Variants in TECRL observed in about 807,000 individuals in gnomAD.
TECRL encodes trans-2,3-enoyl-CoA reductase like.
A neutral mutation model predicts 52.8 loss-of-function variants in TECRL; 63 were observed. The observed-to-expected ratio is 1.19, with a 90% CI of 0.97 to 1.47. The LOEUF is 1.47. Among genes scored for constraint, TECRL ranks in the 40% most tolerant of loss-of-function variants. TECRL has a pLI of 0.00. For synonymous variants in TECRL, 164 were observed against 141.9 expected (o/e 1.16, Z -1.10); for missense variants, 482 against 429.6 (o/e 1.12, Z -1.08).
At chr4:64,328,374 G>A (rs1454241622) in intron 3 of TECRL, 138 bp downstream of exon 3, 3 of 593,504 alleles carry the variant, frequency 5.1e-6, no homozygotes, top group African/African-American at 1.9e-5. Flanking sequence ...TATAAAAGTG[G>A]AGCTCTAGTT....
intron 1 of TECRL, among the ~76,000 whole-genome samples, chr4:64,406,735 T>C (rs1242559307): frequency 6.6e-6 from 1 of 151,982 alleles, no homozygotes; most frequent in Non-Finnish European, 1.5e-5. Flanking sequence ...ACACAAATGA[T>C]GTAACAGGGA....
chr4:64,305,958 A>G (rs967037808), intron 6 of TECRL, among the ~76,000 whole-genome samples: 5 of 152,108 alleles, frequency 3.3e-5, no homozygotes, highest in African/African-American at 1.2e-4. Flanking sequence ...TCTGCCTTAC[A>G]CACTCTCCAG....
intron 2 of TECRL, among the ~76,000 whole-genome samples, chr4:64,347,718 C>T (rs1351755180): frequency 2.6e-5 from 4 of 152,088 alleles, no homozygotes; most frequent in Non-Finnish European, 5.9e-5. Context: ...AGGAAACGGC[C>T]CCCATGATCC....
chr4:64,326,885 G>C lies in TECRL; in HGVS notation c.331+1627C>G, dbSNP rs114589468. ...CATATAAGATCAATGATTCTAGTACGTATATTTTGGGAGCAAATGTATAAA... is the reference window on the plus strand; with the variant it reads ...CATATAAGATCAATGATTCTAGTACCTATATTTTGGGAGCAAATGTATAAA... On this transcript the variant is annotated intron_variant, in intron 3 of 11. Coordinates refer to ENST00000381210, the MANE Select transcript of TECRL (RefSeq NM_001010874.5). Among the ~76,000 whole-genome samples, 32 of 152,082 alleles carry C rather than the reference G, an allele frequency of 2.1e-4. 1 individual carries two copies. Among genetic ancestry groups the C allele is most frequent in the South Asian group, 6.2e-4 (3 of 4,828 alleles).
intron 1 of TECRL, among the ~76,000 whole-genome samples, chr4:64,403,687 T>C (rs896239351): frequency 2.0e-5 from 3 of 151,992 alleles, no homozygotes; most frequent in South Asian, 2.1e-4. Flanking sequence ...AGATTTATAC[T>C]AATATAGAAG....
intron 5 of TECRL, 118 bp downstream of exon 5, chr4:64,314,530 A>G (rs1024336021): frequency 2.7e-6 from 2 of 733,394 alleles, no homozygotes; most frequent in African/African-American, 3.5e-5. Context: ...AATCGCGTTT[A>G]GTAACAACCT....
intron 1 of TECRL, among the ~76,000 whole-genome samples, chr4:64,389,128 A>G (rs1488323117): frequency 6.6e-6 from 1 of 151,614 alleles, no homozygotes; most frequent in Non-Finnish European, 1.5e-5. Context: ...TTTTTTTCAC[A>G]TTAGCTAGAA....
chr4:64,363,311 C>T (rs1478807695), intron 2 of TECRL, among the ~76,000 whole-genome samples: 2 of 152,080 alleles, frequency 1.3e-5, no homozygotes, highest in Non-Finnish European at 2.9e-5. Flanking sequence ...ATATTCATGA[C>T]CTAAAATCGA....
At chr4:64,382,765 T>G (rs1007599995) in intron 1 of TECRL, among the ~76,000 whole-genome samples, 1 of 152,128 alleles carries the variant, frequency 6.6e-6, no homozygotes, top group African/African-American at 2.4e-5. Flanking sequence ...TATTCTATTA[T>G]TTTGTATGTC....
At chr4:64,348,233 G>A (rs550907110) in intron 2 of TECRL, among the ~76,000 whole-genome samples, 35 of 152,260 alleles carry the variant, frequency 2.3e-4, no homozygotes, top group African/African-American at 8.2e-4. Context: ...GACGAAGCAA[G>A]GACCTTCTTC....
intron 4 of TECRL, among the ~76,000 whole-genome samples, chr4:64,317,731 T>C (rs2110018936): frequency 6.6e-6 from 1 of 152,302 alleles, no homozygotes; most frequent in Non-Finnish European, 1.5e-5. Flanking sequence ...AAACACAGAA[T>C]ACTAATGAGT....
intron 2 of TECRL, among the ~76,000 whole-genome samples, chr4:64,338,127 A>G (rs1420169253): frequency 1.3e-5 from 2 of 152,112 alleles, no homozygotes; most frequent in South Asian, 2.1e-4. Context: ...AAATAATACC[A>G]CACATCTACA....
chr4:64,401,432 T>C (rs540732297), intron 1 of TECRL, among the ~76,000 whole-genome samples: 2 of 152,332 alleles, frequency 1.3e-5, no homozygotes, highest in East Asian at 1.9e-4. Flanking sequence ...CTATACTATA[T>C]ACTTTTCAAG....
In TECRL at chr4:64,382,403, T is replaced by C. The variant is rs183104968; in HGVS notation, c.235-7180A>G. ...CTATATAGTGTTGTTAGGTGTTTGT[T>C]GTTAGTGTATATATATTTAGAATTG... On this transcript the variant is annotated intron_variant, in intron 1 of 11. Coordinates refer to ENST00000381210, the MANE Select transcript of TECRL (RefSeq NM_001010874.5). 1.1e-3 allele frequency among the ~76,000 whole-genome samples: 165 copies of C among 149,504 alleles called. 1 individual carries two copies. The highest frequency in any genetic ancestry group is 3.9e-3 in the African/African-American group (161 of 40,866).
intron 2 of TECRL, among the ~76,000 whole-genome samples, chr4:64,345,033 C>T (rs865925773): frequency 2.0e-5 from 3 of 152,144 alleles, no homozygotes; most frequent in South Asian, 2.1e-4. Flanking sequence ...GTTAGAATGG[C>T]GATCATTAAA....
chr4:64,303,086 C>T (rs1724113745), intron 7 of TECRL, among the ~76,000 whole-genome samples: 1 of 150,852 alleles, frequency 6.6e-6, no homozygotes, highest in Non-Finnish European at 1.5e-5. Flanking sequence ...ATTTATGATG[C>T]AATATATAAG....
intron 2 of TECRL, among the ~76,000 whole-genome samples, chr4:64,331,825 T>C (rs1718660765): frequency 6.6e-6 from 1 of 151,882 alleles, no homozygotes. Flanking sequence ...AGCAGAAAGA[T>C]AAAGGGATTC....
At chr4:64,281,320 A>G (rs566387589) in intron 10 of TECRL, among the ~76,000 whole-genome samples, 154 bp downstream of exon 10, 41 of 152,060 alleles carry the variant, frequency 2.7e-4, no homozygotes, top group Non-Finnish European at 5.2e-4. Flanking sequence ...AAAAATTGTG[A>G]TTGAAATGTT....
intron 8 of TECRL, among the ~76,000 whole-genome samples, chr4:64,290,693 T>G (rs868050830): frequency 6.6e-6 from 1 of 152,038 alleles, no homozygotes; most frequent in Non-Finnish European, 1.5e-5. Flanking sequence ...TCACAATAAA[T>G]AACTGGTATA....
Sources: allele counts gnomAD v4.1 joint callset (sites outside exome capture counted in the v4.1 genomes callset), GRCh38; gene constraint gnomAD v4.1.1; transcripts MANE v1.5; gene names NCBI Gene and HGNC (gene_info 2026-07-23, HGNC 2026-07-21).